SMG6: variants seen among roughly 807,000 people sequenced by gnomAD.
The protein encoded by SMG6 is telomerase-binding protein EST1A.
SMG6 carries 66 observed loss-of-function variants against 142.2 expected under a neutral mutation model. The ratio of observed to expected loss-of-function variants is 0.46; its 90% CI spans 0.38 to 0.57. The LOEUF is 0.57. Among genes scored for constraint, SMG6 ranks in the 20% least tolerant of loss-of-function variants. The pLI is 0.00. For missense variants in SMG6, 1,793 were observed against 1,832.0 expected (o/e 0.98, Z 0.39); for synonymous variants, 779 against 702.4 (o/e 1.11, Z -1.72).
Position 2,299,020 on chromosome 17 carries a change from T to C in SMG6, c.1733A>G (p.Gln578Arg). The C allele has an allele frequency of 6.2e-7, 1 of 1,614,174 alleles. No homozygotes were observed. Among genetic ancestry groups the C allele is most frequent in the Non-Finnish European group, 8.5e-7 (1 of 1,180,034 alleles). Residue 578 changes from glutamine (Q) to arginine (R), a missense_variant, in exon 2 of 19, where the codon CAA becomes CGA. Gln to Arg is a conservative substitution (Grantham distance 43). Around this residue, in one of 3 missense-constraint regions of SMG6, gnomAD observed 1,597 missense variants for 1,584.6 expected, o/e 1.01. Coordinates refer to ENST00000263073, the MANE Select transcript of SMG6 (RefSeq NM_017575.5). The surrounding 1 kb of genome is among the most constrained non-coding windows in gnomAD (Gnocchi z 4.3). ...EVEQHMRNLQ[Q>R]QELHRLLRVA... ...CCGGAGAAGCCTGTGCAGCTCCTGT[T>C]GCTGCAGGTTCCTCATGTGCTGCTC...
chr17:2,228,830 G>A (rs1370953684), intron 10 of SMG6, among the ~76,000 whole-genome samples: 1 of 152,186 alleles, frequency 6.6e-6, no homozygotes, highest in Admixed American at 6.5e-5. Context: ...AGGAACATCT[G>A]AGGGACTGAC....
At chr17:2,163,908 C>A (rs1036189594) in intron 13 of SMG6, among the ~76,000 whole-genome samples, 1 of 151,748 alleles carries the variant, frequency 6.6e-6, no homozygotes, top group Non-Finnish European at 1.5e-5. Context: ...ACTAAAAATA[C>A]AAAAATTAGC....
chr17:2,122,871 C>T (rs1016700102), intron 13 of SMG6, among the ~76,000 whole-genome samples: 3 of 152,224 alleles, frequency 2.0e-5, no homozygotes, highest in South Asian at 2.1e-4. Context: ...AACTCCACAA[C>T]AGGAGACTGA....
At chr17:2,281,046 C>T (rs2074773980) in intron 8 of SMG6, among the ~76,000 whole-genome samples, 1 of 152,160 alleles carries the variant, frequency 6.6e-6, no homozygotes, top group South Asian at 2.1e-4. Flanking sequence ...AGAGACCGAC[C>T]CTGTTTTTGA....
chr17:2,198,950 T>TAAAAA (rs55660022), intron 10 of SMG6, among the ~76,000 whole-genome samples: 1,299 of 101,200 alleles, frequency 0.013, 2 homozygotes, highest in Non-Finnish European at 0.018. Flanking sequence ...AAAATAAAAT[T>TAAAAA]AAAAAAAAAA....
At chr17:2,202,074 G>A (rs967829953) in intron 10 of SMG6, among the ~76,000 whole-genome samples, 2 of 151,948 alleles carry the variant, frequency 1.3e-5, no homozygotes, top group African/African-American at 4.8e-5. Context: ...ATCACTCACA[G>A]GTATTTACTC....
chr17:2,283,704 A>G lies in SMG6; in HGVS notation c.2369T>C (p.Met790Thr). 4 of 1,614,156 alleles carry G rather than the reference A, an allele frequency of 2.5e-6. 1 individual carries two copies. Among genetic ancestry groups the G allele is most frequent in the Non-Finnish European group, 3.4e-6 (4 of 1,180,032 alleles). Residue 790 changes from methionine to threonine, a missense_variant, in exon 7 of 19, where the codon ATG becomes ACG. Coordinates refer to ENST00000263073, the MANE Select transcript of SMG6 (RefSeq NM_017575.5). ...RRKLDAVYYY[M>T]RSLAASNPIL... The stretch of plus-strand genomic sequence containing the variant: ...AGGGTTGCTGGCAGCTAAACTGCGC[A>G]TATAGTAATAGACAGCGTCAAGCTT...
intron 15 of SMG6, among the ~76,000 whole-genome samples, chr17:2,070,684 A>T (rs2068075802): frequency 6.6e-6 from 1 of 152,176 alleles, no homozygotes. Context: ...CAGCTGGTAA[A>T]GGCACAGGCT....
intron 13 of SMG6, among the ~76,000 whole-genome samples, chr17:2,096,728 T>G (rs931594322): frequency 4.6e-5 from 7 of 151,980 alleles, no homozygotes; most frequent in African/African-American, 1.5e-4. Flanking sequence ...CCCTACTATG[T>G]GACAGGGACT....
At chr17:2,164,414 C>T (rs1285933255) in intron 13 of SMG6, among the ~76,000 whole-genome samples, 1 of 151,744 alleles carries the variant, frequency 6.6e-6, no homozygotes, top group Non-Finnish European at 1.5e-5. Context: ...TAGAGCAAAA[C>T]GCTGTCTCAG....
chr17:2,223,583 A>G (rs1041535677), intron 10 of SMG6, among the ~76,000 whole-genome samples: 6 of 152,198 alleles, frequency 3.9e-5, no homozygotes, highest in Non-Finnish European at 7.3e-5. Context: ...CCAGATATAT[A>G]ATGTGATGTA....
At chr17:2,303,017 C>A in intron 1 of SMG6, 7 of 985,454 alleles carry the variant, frequency 7.1e-6, no homozygotes, top group Non-Finnish European at 8.4e-6. Flanking sequence ...TTCTTACTTT[C>A]CTGACGTGGC....
chr17:2,240,360 C>A (rs149546553), intron 9 of SMG6, among the ~76,000 whole-genome samples: 2 of 152,164 alleles, frequency 1.3e-5, no homozygotes, highest in Non-Finnish European at 2.9e-5. Context: ...ACATTCTCTG[C>A]AGAAAACAAT....
intron 8 of SMG6, among the ~76,000 whole-genome samples, chr17:2,274,403 T>C (rs1369414851): frequency 1.3e-5 from 2 of 152,184 alleles, no homozygotes; most frequent in Non-Finnish European, 2.9e-5. Flanking sequence ...CTGCATTAAA[T>C]TCTCCAGACC....
intron 10 of SMG6, 94 bp downstream of exon 10, chr17:2,236,398 G>T: frequency 2.3e-6 from 3 of 1,291,190 alleles, no homozygotes; most frequent in Non-Finnish European, 3.2e-6. Flanking sequence ...TGGGGTGGGG[G>T]GAGGTAGGTA....
intron 10 of SMG6, among the ~76,000 whole-genome samples, chr17:2,234,558 C>T (rs917664274): frequency 1.3e-5 from 2 of 152,192 alleles, no homozygotes; most frequent in Non-Finnish European, 2.9e-5. Context: ...CCACCGCACC[C>T]GGCCTACCAT....
chr17:2,153,498 T>C (rs1467625115), intron 13 of SMG6, among the ~76,000 whole-genome samples: 1 of 152,368 alleles, frequency 6.6e-6, no homozygotes, highest in Non-Finnish European at 1.5e-5. Flanking sequence ...TTTTAACTTA[T>C]GCAAACCCGC....
intron 13 of SMG6, among the ~76,000 whole-genome samples, chr17:2,102,430 C>A (rs2069034607): frequency 6.6e-6 from 1 of 151,838 alleles, no homozygotes; most frequent in South Asian, 2.1e-4. Flanking sequence ...GATCAAGACT[C>A]ACTGCAGTCT....
At chr17:2,207,750 T>C (rs987148506) in intron 10 of SMG6, among the ~76,000 whole-genome samples, 2 of 152,152 alleles carry the variant, frequency 1.3e-5, no homozygotes, top group Admixed American at 6.5e-5. Context: ...AGCAAGGGGA[T>C]TTAAAAGCTA....
Sources: gnomAD v4.1 joint callset for allele counts (sites outside exome capture counted in the v4.1 genomes callset) on GRCh38, gnomAD v4.1.1 for gene constraint, gnomAD v4.1.1 regional missense constraint, Gnocchi (gnomAD v3.1) non-coding constraint, MANE v1.5 for transcripts, NCBI Gene and HGNC (gene_info 2026-07-23, HGNC 2026-07-21) for gene names.